The following ASB15 variants were observed in gnomAD, a reference collection of about 807,000 sequenced individuals.
The protein encoded by ASB15 is ankyrin repeat and SOCS box protein 15.
ASB15 carries 54 observed loss-of-function variants against 58.0 expected under a neutral mutation model. That is an observed-to-expected ratio of 0.93 (90% confidence interval 0.75 to 1.17). ASB15 has a LOEUF of 1.17. Among genes scored for constraint, ASB15 ranks in the 50% most tolerant of loss-of-function variants. The pLI is 0.00. For missense variants in ASB15, 680 were observed against 707.4 expected, an observed-to-expected ratio of 0.96 and a Z score of 0.44; for synonymous variants, 249 against 262.4, an observed-to-expected ratio of 0.95 and a Z score of 0.50.
At chr7:123,609,534 T>C (rs1800326942) in intron 3 of ASB15, among the ~76,000 whole-genome samples, 1 of 152,194 alleles carries the variant, frequency 6.6e-6, no homozygotes, top group Non-Finnish European at 1.5e-5. Context: ...TCCACTCTGC[T>C]TAGTCTCAAG....
At chr7:123,567,908 G>C (rs1436745041) in intron 1 of ASB15, among the ~76,000 whole-genome samples, 2 of 151,504 alleles carry the variant, frequency 1.3e-5, no homozygotes, top group African/African-American at 4.8e-5. Context: ...CATCTCTTGT[G>C]CCTCCATCCA....
chr7:123,617,648 C>T lies in ASB15; in HGVS notation c.362C>T (p.Ala121Val), dbSNP rs765141636. The T allele has an allele frequency of 6.2e-7, 1 of 1,610,654 alleles. No individual in the cohort carries two copies. Among genetic ancestry groups the T allele is most frequent in the East Asian group, 2.2e-5 (1 of 44,856 alleles). Residue 121 changes from alanine to valine, a missense_variant, in exon 7 of 12, where the codon GCT becomes GTT. Physicochemically the swap from Ala to Val is moderately conservative, Grantham distance 64. Transcript: ENST00000451215. ...ACACCCTTGACTTTGGCAGTCAAAG[C>T]TGGTCTGGTGGAAAATGTAAGAACT... ...GETPLTLAVKAGLVENVRTLL... is the reference protein window; with the variant it reads ...GETPLTLAVKVGLVENVRTLL...
intron 1 of ASB15, among the ~76,000 whole-genome samples, chr7:123,577,550 T>C (rs1282256417): frequency 6.6e-6 from 1 of 152,164 alleles, no homozygotes; most frequent in Non-Finnish European, 1.5e-5. Context: ...TTTAACATTG[T>C]AAGTCAAATT....
At chr7:123,635,885 T>C (rs2116694846) in intron 11 of ASB15, among the ~76,000 whole-genome samples, 1 of 152,280 alleles carries the variant, frequency 6.6e-6, no homozygotes, top group African/African-American at 2.4e-5. Flanking sequence ...TGTTTTTAAT[T>C]TTAAAAGATA....
At chr7:123,604,658 A>C (rs2116432554) in intron 2 of ASB15, among the ~76,000 whole-genome samples, 1 of 152,150 alleles carries the variant, frequency 6.6e-6, no homozygotes, top group South Asian at 2.1e-4. Flanking sequence ...TGATGTTCAA[A>C]CTGAGGCTAC....
chr7:123,570,655 C>T (rs971087458), intron 1 of ASB15, among the ~76,000 whole-genome samples: 2 of 152,154 alleles, frequency 1.3e-5, no homozygotes, highest in Non-Finnish European at 2.9e-5. Flanking sequence ...AGCAGAATAG[C>T]CCTAAAGAAT....
Position 123,604,132 on chromosome 7 carries a change from T to C in ASB15, c.-144T>C, listed in dbSNP as rs1022291237. 6.6e-6 allele frequency: 1 copy of C among 152,044 alleles called. No individual in the cohort carries two copies. The highest frequency in any genetic ancestry group is 2.4e-5 in the African/African-American group (1 of 41,342). 9.4% of individuals were successfully genotyped at this position (152,044 alleles called of 1,614,324 possible). ...CTCAGTGGAGATCTGACAGCCTTCCTGGGGGATATTAACAGGGCTCCTGTG... is the reference window on the plus strand; with the variant it reads ...CTCAGTGGAGATCTGACAGCCTTCCCGGGGGATATTAACAGGGCTCCTGTG... On this transcript the variant is annotated 5_prime_UTR_variant, in exon 2 of 12. Coordinates refer to ENST00000451215, the MANE Select transcript of ASB15 (RefSeq NM_001290258.2).
At chr7:123,627,376 C>G in intron 9 of ASB15, 95 bp downstream of exon 9, 1 of 1,007,220 alleles carries the variant, frequency 9.9e-7, no homozygotes, top group Non-Finnish European at 1.3e-6. Flanking sequence ...CTTTCAAAAT[C>G]CAAGGAGAAA....
At chr7:123,623,984 AAAGAAAGAAAG>A (rs1197466180) in intron 7 of ASB15, among the ~76,000 whole-genome samples, 2 of 150,724 alleles carry the variant, frequency 1.3e-5, no homozygotes, top group African/African-American at 4.9e-5. Context: ...AGAAAGAAAG[AAAGAAAGAAAG>A]AGAAAGGAAA....
At chr7:123,586,422 G>A (rs1799375192) in intron 1 of ASB15, among the ~76,000 whole-genome samples, 1 of 151,520 alleles carries the variant, frequency 6.6e-6, no homozygotes, top group Non-Finnish European at 1.5e-5. Flanking sequence ...TTTTAATTAG[G>A]TTATTTGTTT....
At chr7:123,636,658 C>A in intron 11 of ASB15, 151 bp from the exon 12 acceptor site, 1 of 645,908 alleles carries the variant, frequency 1.5e-6, no homozygotes, top group Non-Finnish European at 2.6e-6. Context: ...TGCTCAATTA[C>A]AATTTGAATT....
At position 123,572,457 on chromosome 7, in the gene ASB15, C is replaced by G. The variant is rs566778770; in HGVS notation, c.-443+5369C>G. ...CCCAGCCTAGAATTTCTTTATGTAG[C>G]CTGGATACTATTTCTCCTTATAATT... On this transcript the variant is annotated intron_variant, in intron 1 of 13. Coordinates refer to the ASB15 transcript ENST00000451558. Among the ~76,000 whole-genome samples, 85 of 151,908 alleles carry G rather than the reference C, an allele frequency of 5.6e-4. 1 individual carries two copies. The highest frequency in any genetic ancestry group is 1.4e-3 in the Admixed American group (22 of 15,248).
chr7:123,594,366 T>C (rs754851781), intron 1 of ASB15, among the ~76,000 whole-genome samples: 6 of 152,172 alleles, frequency 3.9e-5, no homozygotes, highest in Non-Finnish European at 8.8e-5. Context: ...GGCATTCTGC[T>C]TTTTGGAATT....
chr7:123,630,048 T>C lies in ASB15; in HGVS notation c.1523T>C (p.Val508Ala). ...TRVLIDYMDY[V>A]PLCAKLKSAL... Reference sequence around the variant, plus strand: ...GTACTAATAGATTACATGGATTATGTTCCTCTGTGTGCTAAACTGAAGTCT... The same window carrying C: ...GTACTAATAGATTACATGGATTATGCTCCTCTGTGTGCTAAACTGAAGTCT... Residue 508 changes from valine (V) to alanine (A), a missense_variant, in exon 11 of 12, where the codon GTT becomes GCT. Coordinates refer to ENST00000451215, the MANE Select transcript of ASB15 (RefSeq NM_001290258.2). 6.2e-7 allele frequency: 1 copy of C among 1,608,792 alleles called. No homozygotes were observed.
intron 3 of ASB15, among the ~76,000 whole-genome samples, chr7:123,609,777 A>C (rs1270481644): frequency 6.6e-6 from 1 of 152,232 alleles, no homozygotes; most frequent in Non-Finnish European, 1.5e-5. Flanking sequence ...AAAATTTATC[A>C]GCTGCCTTTA....
intron 1 of ASB15, among the ~76,000 whole-genome samples, chr7:123,573,895 C>A (rs1798984664): frequency 6.6e-6 from 1 of 151,888 alleles, no homozygotes; most frequent in Admixed American, 6.6e-5. Flanking sequence ...TAAAAAAAAA[C>A]TACCATTGTC....
chr7:123,575,802 C>T (rs1427850948), intron 1 of ASB15, among the ~76,000 whole-genome samples: 1 of 145,344 alleles, frequency 6.9e-6, no homozygotes, highest in Non-Finnish European at 1.5e-5. Context: ...TTTAACCTGG[C>T]AGCATGAAGT....
chr7:123,627,454 T>C (rs1441176518), intron 9 of ASB15, among the ~76,000 whole-genome samples, 173 bp downstream of exon 9: 1 of 152,214 alleles, frequency 6.6e-6, no homozygotes, highest in Admixed American at 6.5e-5. Flanking sequence ...TTTCCTCCTT[T>C]TGATATTCTT....
chr7:123,625,082 C>A, intron 8 of ASB15: 1 of 384,476 alleles, frequency 2.6e-6, no homozygotes, highest in Non-Finnish European at 4.7e-6. Flanking sequence ...CATAGATGGC[C>A]CATCAGGGCC....
Sources: allele counts gnomAD v4.1 joint callset (sites outside exome capture counted in the v4.1 genomes callset), GRCh38; gene constraint gnomAD v4.1.1; transcripts MANE v1.5; gene names NCBI Gene and HGNC (gene_info 2026-07-23, HGNC 2026-07-21).